USP34: variants seen among roughly 807,000 people sequenced by gnomAD.
USP34 encodes ubiquitin specific peptidase 34.
USP34 carries 70 observed loss-of-function variants against 460.3 expected under a neutral mutation model. That is an observed-to-expected ratio of 0.15 (90% confidence interval 0.13 to 0.19). The LOEUF (loss-of-function observed/expected upper bound fraction) is 0.19, where lower values mean the gene tolerates loss of function less well. USP34 is among the 10% of genes least tolerant of loss of function. USP34 has a pLI of 1.00. For missense variants in USP34, 3,985 were observed against 4,236.2 expected, an observed-to-expected ratio of 0.94 and a Z score of 1.65; for synonymous variants, 1,647 against 1,405.3, an observed-to-expected ratio of 1.17 and a Z score of -3.85.
chr2:61,294,051 A>T (rs1245937917), intron 32 of USP34, among the ~76,000 whole-genome samples: 3 of 151,752 alleles, frequency 2.0e-5, no homozygotes, highest in Non-Finnish European at 2.9e-5. Flanking sequence ...AATTTAAAAA[A>T]ATATACACTT....
In USP34 at chr2:61,394,937, A is replaced by G; in HGVS notation, c.669T>C (p.Ser223=). ...CATATTCAAAGCAATCCTTCATGAG[A>G]GAAAGGCCATTTTTCCCACAAAACA... ...VCLFCGKNGL[S]LMKDCFEYGT... Residue 223 remains serine (S), a synonymous_variant, in exon 5 of 80, where the codon TCT becomes TCC. Coordinates refer to ENST00000398571, the MANE Select transcript of USP34 (RefSeq NM_014709.4). 6.2e-7 allele frequency: 1 copy of G among 1,608,802 alleles called. No individual in the cohort carries two copies. The highest frequency in any genetic ancestry group is 8.5e-7 in the Non-Finnish European group (1 of 1,178,246).
intron 53 of USP34, among the ~76,000 whole-genome samples, chr2:61,241,106 G>T (rs1688243819): frequency 6.6e-6 from 1 of 151,992 alleles, no homozygotes; most frequent in African/African-American, 2.4e-5. Flanking sequence ...GTGCAGTGGT[G>T]TGATCTCCAT....
intron 2 of USP34, among the ~76,000 whole-genome samples, chr2:61,410,076 G>T (rs900011838): frequency 6.6e-6 from 1 of 151,992 alleles, no homozygotes; most frequent in Non-Finnish European, 1.5e-5. Flanking sequence ...CTGTTTTGTG[G>T]AAGACAATTT....
intron 77 of USP34, 51 bp from the exon 78 acceptor site, chr2:61,190,465 A>G: frequency 6.2e-7 from 1 of 1,603,222 alleles, no homozygotes; most frequent in Non-Finnish European, 8.5e-7. Context: ...TAATGAAACC[A>G]CAAGCATTAA....
intron 2 of USP34, among the ~76,000 whole-genome samples, chr2:61,420,340 A>G (rs1457016058): frequency 6.6e-6 from 1 of 152,196 alleles, no homozygotes; most frequent in African/African-American, 2.4e-5. Context: ...TTATTTAGAA[A>G]TTGGTCTAAT....
intron 1 of USP34, among the ~76,000 whole-genome samples, chr2:61,447,876 A>G (rs996461635): frequency 6.6e-6 from 1 of 152,060 alleles, no homozygotes; most frequent in African/African-American, 2.4e-5. Context: ...CCACCACACC[A>G]AACTAATTTT....
At chr2:61,230,936 A>T (rs1687877290) in intron 58 of USP34, among the ~76,000 whole-genome samples, 1 of 152,146 alleles carries the variant, frequency 6.6e-6, no homozygotes, top group Non-Finnish European at 1.5e-5. Context: ...CCAAACAAAA[A>T]CTTGTACTAA....
chr2:61,255,211 G>C (rs1218037990), intron 48 of USP34, among the ~76,000 whole-genome samples: 2 of 152,110 alleles, frequency 1.3e-5, no homozygotes, highest in Non-Finnish European at 2.9e-5. Flanking sequence ...GAATATTTTT[G>C]ATCAATGTAC....
In USP34 at chr2:61,296,355, A is replaced by G. The variant is rs537228670; in HGVS notation, c.4254+445T>C. 1.6e-4 allele frequency among the ~76,000 whole-genome samples: 24 copies of G among 152,214 alleles called. No homozygotes were observed. In the South Asian group the frequency reaches 2.5e-3, roughly 16 times the overall value. ...CACATGTGAGGTGGTGTCCATATGG[A>G]AAAAAAATTATCACACAGATATTAA... On this transcript the variant is annotated intron_variant, in intron 30 of 79. Transcript: ENST00000398571.
In USP34 at chr2:61,278,413, T is replaced by C; in HGVS notation, c.5287A>G (p.Arg1763Gly). Reference sequence around the variant, plus strand: ...CTTCGAATACAGTCAGCCAAATGTCTTGCCAAGGCATCTAAGTCGAGGAGC... The same window carrying C: ...CTTCGAATACAGTCAGCCAAATGTCCTGCCAAGGCATCTAAGTCGAGGAGC... ...TTLLDLDALA[R>G]HLADCIRSRE... Residue 1763 changes from arginine (R) to glycine (G), a missense_variant, in exon 40 of 80, where the codon AGA becomes GGA. By Grantham distance (125) the Arg-to-Gly change is moderately radical. Coordinates refer to ENST00000398571, the MANE Select transcript of USP34 (RefSeq NM_014709.4). The C allele has an allele frequency of 6.2e-7, 1 of 1,601,368 alleles. No individual in the cohort carries two copies. Among genetic ancestry groups the C allele is most frequent in the Non-Finnish European group, 8.5e-7 (1 of 1,176,134 alleles).
At chr2:61,206,643 C>A in intron 71 of USP34, 117 bp downstream of exon 71, 1 of 1,284,726 alleles carries the variant, frequency 7.8e-7, no homozygotes. Flanking sequence ...TAGCTTCAGC[C>A]TCATCTTCTG....
intron 10 of USP34, among the ~76,000 whole-genome samples, chr2:61,363,206 T>G (rs1692326361): frequency 6.6e-6 from 1 of 152,142 alleles, no homozygotes; most frequent in Non-Finnish European, 1.5e-5. Flanking sequence ...AAAATGGAAG[T>G]AACAAGTATA....
chr2:61,272,229 G>T (rs1297519070), intron 41 of USP34, among the ~76,000 whole-genome samples: 1 of 152,024 alleles, frequency 6.6e-6, no homozygotes, highest in Non-Finnish European at 1.5e-5. Context: ...GGCTAACATG[G>T]TGAAACCCTG....
Position 61,405,841 on chromosome 2 carries a change from G to A in USP34, c.419C>T (p.Ser140Leu). The A allele has an allele frequency of 6.2e-7, 1 of 1,613,822 alleles. No individual in the cohort carries two copies. Among genetic ancestry groups the A allele is most frequent in the South Asian group, 1.1e-5 (1 of 91,040 alleles). The part of the protein sequence containing the change: ...RICNLTEEES[S>L]KSSDPFSLWS... ...TAAACTAAAAGGATCAGAACTCTTT[G>A]AAGATTCCTCCTCAGTCAGATTACA... Residue 140 changes from serine to leucine, a missense_variant, in exon 3 of 80, where the codon TCA (serine) becomes TTA (leucine). Coordinates refer to ENST00000398571, the MANE Select transcript of USP34 (RefSeq NM_014709.4).
At chr2:61,456,731 T>C (rs1419393470) in intron 1 of USP34, among the ~76,000 whole-genome samples, 1 of 152,114 alleles carries the variant, frequency 6.6e-6, no homozygotes, top group East Asian at 1.9e-4. Context: ...GGCAGGAGGA[T>C]AGTTTGAGCC....
chr2:61,341,514 T>A (rs1435455202), intron 16 of USP34, among the ~76,000 whole-genome samples: 4 of 152,086 alleles, frequency 2.6e-5, no homozygotes, highest in African/African-American at 4.8e-5. Context: ...CACCATAGTG[T>A]GAATTCTTAC....
Position 61,321,170 on chromosome 2 carries a change from T to TA in USP34, c.3014-1844dup, listed in dbSNP as rs558041675. ...GGATGACAGAGCGAGACTGTCTCTT[T>TA]AAAAAAAAAAACAAAAAAATGGCCA... On this transcript the variant is annotated intron_variant, in intron 21 of 79. Coordinates refer to ENST00000398571, the MANE Select transcript of USP34 (RefSeq NM_014709.4). Among the ~76,000 whole-genome samples, 207 of 141,372 alleles carry TA rather than the reference T, an allele frequency of 1.5e-3. 1 individual carries two copies. The highest frequency in any genetic ancestry group is 0.011 in the South Asian group (49 of 4,474). 92.7% of individuals were successfully genotyped at this position (141,372 alleles called of 152,430 possible). A position where few individuals can be genotyped will look rare whatever the true frequency, so the allele number is the denominator to read the frequency against.
intron 49 of USP34, among the ~76,000 whole-genome samples, chr2:61,246,791 T>A (rs1282088141): frequency 6.6e-6 from 1 of 152,126 alleles, no homozygotes; most frequent in African/African-American, 2.4e-5. Flanking sequence ...TAATACATAA[T>A]TATGGACAAC....
chr2:61,347,283 CTTAG>C (rs1212942632), intron 15 of USP34, among the ~76,000 whole-genome samples: 3 of 152,016 alleles, frequency 2.0e-5, no homozygotes, highest in Non-Finnish European at 2.9e-5. Context: ...AAGGAAATAC[CTTAG>C]TAATTTTTAT....
Sources: gnomAD v4.1 joint callset for allele counts (sites outside exome capture counted in the v4.1 genomes callset) on GRCh38, gnomAD v4.1.1 for gene constraint, MANE v1.5 for transcripts, NCBI Gene and HGNC (gene_info 2026-07-23, HGNC 2026-07-21) for gene names.